Variants in RBBP5 observed in about 807,000 individuals in gnomAD.
RBBP5 encodes the protein retinoblastoma-binding protein 5.
A neutral mutation model predicts 72.2 loss-of-function variants in RBBP5; 5 were observed. The observed-to-expected ratio is 0.07, with a 90% CI of 0.04 to 0.15. The LOEUF is 0.15. RBBP5 is among the 10% of genes least tolerant of loss of function. The pLI is 1.00. For missense variants in RBBP5, 322 were observed against 652.2 expected (o/e 0.49, Z 5.51); for synonymous variants, 209 against 237.2 (o/e 0.88, Z 1.09).
intron 13 of RBBP5, among the ~76,000 whole-genome samples, chr1:205,089,703 A>T (rs868047991): frequency 2.6e-5 from 4 of 152,256 alleles, no homozygotes; most frequent in Non-Finnish European, 2.9e-5. Context: ...AATGAGATAC[A>T]AACTTTCTAC....
intron 13 of RBBP5, among the ~76,000 whole-genome samples, chr1:205,093,533 TACAC>T (rs372536310): frequency 0.047 from 228 of 4,832 alleles, 12 homozygotes; most frequent in African/African-American, 0.094. Context: ...TATATATATA[TACAC>T]ACACACACAC....
intron 3 of RBBP5, among the ~76,000 whole-genome samples, chr1:205,111,888 A>T (rs1042294640): frequency 6.6e-6 from 1 of 152,090 alleles, no homozygotes; most frequent in Non-Finnish European, 1.5e-5. Flanking sequence ...TATGTCCCAT[A>T]CCACAATCCA....
intron 3 of RBBP5, among the ~76,000 whole-genome samples, chr1:205,108,002 TAGG>T (rs1656145881): frequency 6.7e-6 from 1 of 150,072 alleles, no homozygotes; most frequent in Non-Finnish European, 1.5e-5. Flanking sequence ...CCCAGCACTT[TAGG>T]AGGTCAAGGC....
chr1:205,118,943 G>A, intron 1 of RBBP5, among the ~76,000 whole-genome samples: 1 of 152,192 alleles, frequency 6.6e-6, no homozygotes, highest in East Asian at 1.9e-4. Flanking sequence ...CATCTGGCCA[G>A]ATGTCCTTCA....
At chr1:205,098,480 A>ACCTTATAAAT (rs1655698778) in intron 10 of RBBP5, among the ~76,000 whole-genome samples, 1 of 152,074 alleles carries the variant, frequency 6.6e-6, no homozygotes, top group Admixed American at 6.6e-5. Flanking sequence ...CTTAGTAAAC[A>ACCTTATAAAT]CCTTATAAAT....
intron 3 of RBBP5, 76 bp from the exon 4 acceptor site, chr1:205,105,244 C>A: frequency 6.6e-7 from 1 of 1,505,916 alleles, no homozygotes; most frequent in South Asian, 1.2e-5. Flanking sequence ...CTGTGTAAGT[C>A]ACACACATTG....
intron 2 of RBBP5, among the ~76,000 whole-genome samples, chr1:205,115,584 G>A (rs1323849132): frequency 6.6e-6 from 1 of 152,146 alleles, no homozygotes; most frequent in African/African-American, 2.4e-5. Context: ...ACCTATGATG[G>A]TGGTGTTTGT....
In RBBP5 at chr1:205,088,795, G is replaced by C; in HGVS notation, c.1609C>G (p.Leu537Val). Reference protein sequence around the residue: ...PLTAGGAISELL With the variant: ...PLTAGGAISEVL ...AAGAACTTCGAAGGTCTTCATAACA[G>C]TTCTGAGATTGCTCCTCCTGCTAAA... The change falls in exon 14 of 14, where the codon CTG becomes GTG. Residue 537 changes from leucine to valine, a missense_variant. Around this residue, in one of 6 missense-constraint regions of RBBP5, gnomAD observed 109 missense variants for 146.3 expected, o/e 0.75. Coordinates refer to ENST00000264515, the MANE Select transcript of RBBP5 (RefSeq NM_005057.4). 2.5e-6 allele frequency: 4 copies of C among 1,594,642 alleles called. No homozygotes were observed. The highest frequency in any genetic ancestry group is 3.4e-6 in the Non-Finnish European group (4 of 1,170,838).
chr1:205,098,864 A>T (rs1655714676), intron 10 of RBBP5, 125 bp downstream of exon 10: 1 of 518,066 alleles, frequency 1.9e-6, no homozygotes, highest in Non-Finnish European at 3.3e-6. Flanking sequence ...AAAAAAAAAA[A>T]GTGTGGGGTG....
At chr1:205,114,230 G>C (rs1377972329) in intron 3 of RBBP5, among the ~76,000 whole-genome samples, 1 of 152,102 alleles carries the variant, frequency 6.6e-6, no homozygotes, top group East Asian at 1.9e-4. Context: ...AGGTCCTTTT[G>C]TTGGCCCCAA....
intron 3 of RBBP5, among the ~76,000 whole-genome samples, chr1:205,113,488 C>T (rs182609812): frequency 6.6e-6 from 1 of 152,118 alleles, no homozygotes; most frequent in Non-Finnish European, 1.5e-5. Flanking sequence ...CTATGTTGGT[C>T]TCCTGGGCTC....
rs75222592 is a variant in RBBP5, at chr1:205,101,765, G to A, written c.523-56C>T. 3,186 of 1,275,632 alleles carry A rather than the reference G, an allele frequency of 2.5e-3. 74 individuals are homozygous for A. In the African/African-American group the frequency reaches 0.041, roughly 16 times the overall value. The allele number at this position is 1,275,632 out of a possible 1,614,324, so 79.0% of individuals were successfully genotyped here. ...AGTGTTCCAATAACTAACAATAATT[G>A]ATTTGGCTTGTTTCTAATACTGCGT... On this transcript the variant is annotated intron_variant, in intron 5 of 13. Transcript: ENST00000264515.
chr1:205,092,208 G>C (rs1655374761), intron 13 of RBBP5, among the ~76,000 whole-genome samples: 1 of 152,188 alleles, frequency 6.6e-6, no homozygotes, highest in East Asian at 1.9e-4. Context: ...CCTTCACAAA[G>C]ATCCAAACCA....
At chr1:205,092,115 A>C (rs1655371426) in intron 13 of RBBP5, among the ~76,000 whole-genome samples, 1 of 152,274 alleles carries the variant, frequency 6.6e-6, no homozygotes, top group East Asian at 1.9e-4. Flanking sequence ...TCCCATATAA[A>C]AACATGATAG....
intron 6 of RBBP5, among the ~76,000 whole-genome samples, chr1:205,100,933 A>G (rs779908585): frequency 9.9e-5 from 15 of 152,078 alleles, no homozygotes; most frequent in Non-Finnish European, 2.1e-4. Flanking sequence ...GGAGTGTACA[A>G]CCTAGATCCC....
chr1:205,093,558 A>ACACACACACACACACACACACACACACG (rs1474687926), intron 13 of RBBP5, among the ~76,000 whole-genome samples: 2 of 115,924 alleles, frequency 1.7e-5, no homozygotes, highest in Non-Finnish European at 3.4e-5. Flanking sequence ...ACACACACAC[A>ACACACACACACACACACACACACACACG]CACACACACA....
In RBBP5 at chr1:205,099,598, G is replaced by A; in HGVS notation, c.978+143C>T. The A allele has an allele frequency of 1.2e-6, 1 of 838,208 alleles. No individual in the cohort carries two copies. Among genetic ancestry groups the A allele is most frequent in the Middle Eastern group, 3.8e-4 (1 of 2,642 alleles). 51.9% of individuals were successfully genotyped at this position (838,208 alleles called of 1,614,324 possible). On this transcript the variant is annotated intron_variant, in intron 9 of 13. Transcript: ENST00000264515. The surrounding 1 kb of genome is among the most constrained non-coding windows in gnomAD (Gnocchi z 4.7). ...TTCCCACCAAAATAAAGTGCAACTA[G>A]ATGCACTGAACCTATGTAATTTAGG...
At chr1:205,110,340 C>T (rs1656265263) in intron 3 of RBBP5, among the ~76,000 whole-genome samples, 1 of 152,048 alleles carries the variant, frequency 6.6e-6, no homozygotes, top group South Asian at 2.1e-4. Context: ...AGTTCTGCTT[C>T]TACATCCTGG....
At chr1:205,111,055 C>G (rs376260995) in intron 3 of RBBP5, among the ~76,000 whole-genome samples, 5 of 152,230 alleles carry the variant, frequency 3.3e-5, no homozygotes, top group African/African-American at 1.2e-4. Context: ...CAGAGCAAGA[C>G]TCTGTCTCGA....
Sources: allele counts gnomAD v4.1 joint callset (sites outside exome capture counted in the v4.1 genomes callset), GRCh38; gene constraint gnomAD v4.1.1; regional missense constraint gnomAD v4.1.1; non-coding constraint Gnocchi (gnomAD v3.1); transcripts MANE v1.5; gene names NCBI Gene and HGNC (gene_info 2026-07-23, HGNC 2026-07-21).